Variants in GPC5 observed in about 807,000 individuals in gnomAD.
GPC5 encodes glypican 5.
Under a neutral mutation model 53.9 loss-of-function variants are expected in GPC5, and 47 were observed. That is an observed-to-expected ratio of 0.87 (90% confidence interval 0.69 to 1.11). The LOEUF (loss-of-function observed/expected upper bound fraction) is 1.11. GPC5 is among the 50% of genes most tolerant of loss of function. The probability of loss-of-function intolerance (pLI) is 0.00; values close to 1 mark genes in which losing one functional copy is unlikely to be tolerated. For missense variants in GPC5, 748 were observed against 713.1 expected (o/e 1.05, Z -0.56); for synonymous variants, 286 against 263.3 (o/e 1.09, Z -0.84).
At chr13:92,492,503 A>T (rs1302817870) in intron 7 of GPC5, among the ~76,000 whole-genome samples, 1 of 151,954 alleles carries the variant, frequency 6.6e-6, no homozygotes, top group African/African-American at 2.4e-5. Context: ...AAAAATATAT[A>T]AAAAAAGAGA....
intron 7 of GPC5, among the ~76,000 whole-genome samples, chr13:92,236,132 T>A (rs2042567961): frequency 6.6e-6 from 1 of 152,072 alleles, no homozygotes; most frequent in Non-Finnish European, 1.5e-5. Flanking sequence ...TTCTTCAAAT[T>A]TACTTGAAAA....
At chr13:92,764,944 T>C (rs1208782344) in intron 7 of GPC5, among the ~76,000 whole-genome samples, 1 of 152,182 alleles carries the variant, frequency 6.6e-6, no homozygotes, top group East Asian at 1.9e-4. Context: ...GAAATTTGAA[T>C]TTAATATGTC....
chr13:92,207,420 C>G (rs1470022821), intron 7 of GPC5, among the ~76,000 whole-genome samples: 1 of 152,188 alleles, frequency 6.6e-6, no homozygotes, highest in Non-Finnish European at 1.5e-5. Flanking sequence ...CCTGAAACCA[C>G]TACATCGGAT....
At chr13:92,126,542 C>A (rs148736289) in intron 6 of GPC5, among the ~76,000 whole-genome samples, 2 of 151,970 alleles carry the variant, frequency 1.3e-5, no homozygotes, top group African/African-American at 2.4e-5. Context: ...GCTGATGGGC[C>A]GAATCTAGTC....
At chr13:91,997,490 G>A (rs1428898385) in intron 6 of GPC5, among the ~76,000 whole-genome samples, 1 of 151,936 alleles carries the variant, frequency 6.6e-6, no homozygotes, top group Non-Finnish European at 1.5e-5. Flanking sequence ...CTTCCATGAT[G>A]ATTTGCCATT....
chr13:92,064,530 G>A (rs932175365), intron 6 of GPC5, among the ~76,000 whole-genome samples: 6 of 152,046 alleles, frequency 3.9e-5, no homozygotes, highest in Non-Finnish European at 8.8e-5. Context: ...GGCCCAAGCG[G>A]GTGGATCACA....
intron 6 of GPC5, among the ~76,000 whole-genome samples, chr13:92,052,946 CTCCTAGGTT>C (rs2041042539): frequency 6.6e-6 from 1 of 152,170 alleles, no homozygotes; most frequent in Non-Finnish European, 1.5e-5. Context: ...CTAAACACCC[CTCCTAGGTT>C]TCCAGCTTAA....
At chr13:91,866,911 A>T (rs753877299) in intron 5 of GPC5, among the ~76,000 whole-genome samples, 2 of 152,186 alleles carry the variant, frequency 1.3e-5, no homozygotes, top group Non-Finnish European at 1.5e-5. Context: ...CTATTGAAGT[A>T]AAAGTATCAT....
At chr13:91,468,856 C>T (rs113542530) in intron 2 of GPC5, among the ~76,000 whole-genome samples, 2,726 of 146,134 alleles carry the variant, frequency 0.019, 76 homozygotes, top group African/African-American at 0.062. Context: ...AAGTTTTCTT[C>T]GTAGCTAAGA....
intron 6 of GPC5, among the ~76,000 whole-genome samples, chr13:91,977,324 T>C (rs2040312605): frequency 6.6e-6 from 1 of 152,202 alleles, no homozygotes; most frequent in South Asian, 2.1e-4. Context: ...CAATGCTTAG[T>C]AATGAGCACT....
intron 7 of GPC5, among the ~76,000 whole-genome samples, chr13:92,206,164 T>A (rs1185877429): frequency 1.3e-4 from 9 of 67,756 alleles, no homozygotes; most frequent in South Asian, 4.9e-4. Flanking sequence ...TATTTTTTTT[T>A]TTATTTTTTT....
At chr13:91,465,434 C>T (rs1882175947) in intron 2 of GPC5, among the ~76,000 whole-genome samples, 1 of 152,162 alleles carries the variant, frequency 6.6e-6, no homozygotes, top group South Asian at 2.1e-4. Context: ...CCTTCTGTGT[C>T]TGGCTTCTTC....
intron 7 of GPC5, among the ~76,000 whole-genome samples, chr13:92,336,290 CTT>C (rs1269764935): frequency 3.3e-5 from 5 of 152,262 alleles, no homozygotes; most frequent in East Asian, 1.9e-4. Flanking sequence ...TAATCAGTAA[CTT>C]ATAATTATCA....
intron 7 of GPC5, among the ~76,000 whole-genome samples, chr13:92,256,884 A>G (rs2042729942): frequency 6.6e-6 from 1 of 152,074 alleles, no homozygotes; most frequent in Non-Finnish European, 1.5e-5. Flanking sequence ...GTCTTATTAG[A>G]AAGGAAATAG....
At chr13:92,809,020 C>T (rs139166050) in intron 7 of GPC5, among the ~76,000 whole-genome samples, 1 of 152,188 alleles carries the variant, frequency 6.6e-6, no homozygotes, top group African/African-American at 2.4e-5. Context: ...CCCAAAATAT[C>T]AAACCAGGAG....
chr13:92,173,287 G>GC (rs1367008447), intron 7 of GPC5, among the ~76,000 whole-genome samples: 3 of 152,026 alleles, frequency 2.0e-5, no homozygotes, highest in African/African-American at 7.2e-5. Flanking sequence ...CTTTCATTTA[G>GC]CCTGATGCTT....
chr13:92,320,170 G>C (rs1351335468), intron 7 of GPC5, among the ~76,000 whole-genome samples: 1 of 151,954 alleles, frequency 6.6e-6, no homozygotes, highest in African/African-American at 2.4e-5. Flanking sequence ...CTTTTGCTAT[G>C]GCTCTAAAGT....
intron 7 of GPC5, among the ~76,000 whole-genome samples, chr13:92,354,249 G>C (rs546069554): frequency 1.3e-5 from 2 of 152,076 alleles, no homozygotes; most frequent in African/African-American, 2.4e-5. Context: ...AAGAAATCAC[G>C]CTATTTCATA....
At chr13:92,071,704 G>A (rs1452506386) in intron 6 of GPC5, among the ~76,000 whole-genome samples, 1 of 151,294 alleles carries the variant, frequency 6.6e-6, no homozygotes, top group Non-Finnish European at 1.5e-5. Context: ...TATCCTTCCA[G>A]ATAAAATTTA....
Sources: gnomAD v4.1 joint callset for allele counts (sites outside exome capture counted in the v4.1 genomes callset) on GRCh38, gnomAD v4.1.1 for gene constraint, MANE v1.5 for transcripts, NCBI Gene and HGNC (gene_info 2026-07-23, HGNC 2026-07-21) for gene names.